The following MYO3B variants were observed in gnomAD, a reference collection of about 807,000 sequenced individuals.
MYO3B encodes myosin-IIIb.
In MYO3B, 156 loss-of-function variants were observed where a neutral mutation model predicts 174.6. The ratio of observed to expected loss-of-function variants is 0.89; its 90% CI spans 0.78 to 1.02. The LOEUF (loss-of-function observed/expected upper bound fraction) is 1.02, where lower values mean the gene tolerates loss of function less well. MYO3B is among the 50% of genes least tolerant of loss of function. The pLI is 0.00. For missense variants in MYO3B, 1,632 were observed against 1,639.4 expected (o/e 1.00, Z 0.08); for synonymous variants, 563 against 569.1 (o/e 0.99, Z 0.15).
intron 32 of MYO3B, among the ~76,000 whole-genome samples, chr2:170,564,963 T>G (rs916665408): frequency 6.6e-6 from 1 of 152,132 alleles, no homozygotes; most frequent in African/African-American, 2.4e-5. Context: ...ATAGTAAAAT[T>G]TATATTCTCT....
intron 32 of MYO3B, among the ~76,000 whole-genome samples, chr2:170,616,473 A>G (rs1466386665): frequency 6.6e-6 from 1 of 152,116 alleles, no homozygotes; most frequent in Non-Finnish European, 1.5e-5. Context: ...TCTTTACACA[A>G]TCCTGCATGC....
intron 28 of MYO3B, among the ~76,000 whole-genome samples, chr2:170,508,301 A>G (rs903708177): frequency 7.9e-5 from 12 of 152,206 alleles, no homozygotes; most frequent in Non-Finnish European, 1.2e-4. Context: ...CATTATTATG[A>G]TCGATTACAC....
intron 7 of MYO3B, among the ~76,000 whole-genome samples, chr2:170,292,167 C>T (rs1280566784): frequency 6.6e-6 from 1 of 152,112 alleles, no homozygotes; most frequent in African/African-American, 2.4e-5. Flanking sequence ...AATCTTCAAG[C>T]TCACTGATTT....
At chr2:170,376,230 G>A (rs1053409017) in intron 9 of MYO3B, among the ~76,000 whole-genome samples, 2 of 152,128 alleles carry the variant, frequency 1.3e-5, no homozygotes, top group Non-Finnish European at 2.9e-5. Flanking sequence ...GTATCCAGCT[G>A]CTATCTCTGT....
At position 170,447,833 on chromosome 2, in the gene MYO3B, C is replaced by T. The variant is rs576631895; in HGVS notation, c.2730+3787C>T. Among the ~76,000 whole-genome samples, 6 of 152,290 alleles carry T rather than the reference C, an allele frequency of 3.9e-5. No individual in the cohort carries two copies. In the South Asian group the frequency reaches 6.2e-4, roughly 16 times the overall value. On this transcript the variant is annotated intron_variant, in intron 23 of 34. Coordinates refer to ENST00000408978, the MANE Select transcript of MYO3B (RefSeq NM_138995.5). Reference sequence around the variant, plus strand: ...TTTGGTAGGTAGGGGGCAAGTCAATCAGGAGTTCTGATTGGTGAGGCCAGA... The same window carrying T: ...TTTGGTAGGTAGGGGGCAAGTCAATTAGGAGTTCTGATTGGTGAGGCCAGA...
chr2:170,215,048 T>C (rs1421213842), intron 5 of MYO3B, among the ~76,000 whole-genome samples: 3 of 152,210 alleles, frequency 2.0e-5, no homozygotes. Flanking sequence ...TTATAAAGAT[T>C]GAAAATAAAA....
At chr2:170,455,701 AG>A (rs1320691641) in intron 23 of MYO3B, among the ~76,000 whole-genome samples, 1 of 152,226 alleles carries the variant, frequency 6.6e-6, no homozygotes, top group African/African-American at 2.4e-5. Context: ...ATATGTATAT[AG>A]AAGCTTGCTC....
At chr2:170,300,159 CT>C (rs2105441595) in intron 7 of MYO3B, among the ~76,000 whole-genome samples, 1 of 73,818 alleles carries the variant, frequency 1.4e-5, no homozygotes, top group African/African-American at 4.3e-5. Flanking sequence ...GTAGATTGTA[CT>C]TACCTGTACC....
At chr2:170,294,013 C>G (rs541082222) in intron 7 of MYO3B, among the ~76,000 whole-genome samples, 1 of 151,722 alleles carries the variant, frequency 6.6e-6, no homozygotes, top group Admixed American at 6.6e-5. Flanking sequence ...CTATTTACTT[C>G]TCAGAATCCT....
Position 170,636,356 on chromosome 2 carries a change from C to CTGTT in MYO3B, c.3734-15268_3734-15265dup, listed in dbSNP as rs544506020. Among the ~76,000 whole-genome samples, 95 of 151,650 alleles carry CTGTT rather than the reference C, an allele frequency of 6.3e-4. 1 individual carries two copies. The South Asian group carries it at 0.019, about 30-fold the overall frequency. ...AGGAGCCACGCTGGAAATAACATAA[C>CTGTT]TGTTTGTGTTATGTTATTGAAAAGA... On this transcript the variant is annotated intron_variant, in intron 32 of 34. Coordinates refer to ENST00000408978, the MANE Select transcript of MYO3B (RefSeq NM_138995.5).
intron 23 of MYO3B, among the ~76,000 whole-genome samples, chr2:170,447,252 A>G (rs1011170926): frequency 6.6e-6 from 1 of 152,204 alleles, no homozygotes; most frequent in African/African-American, 2.4e-5. Flanking sequence ...CTGCACAGTC[A>G]GTTTTCAATG....
intron 32 of MYO3B, among the ~76,000 whole-genome samples, chr2:170,557,074 T>G (rs928373108): frequency 2.6e-5 from 4 of 152,132 alleles, no homozygotes; most frequent in African/African-American, 9.6e-5. Flanking sequence ...GATACGTGTT[T>G]TTTTTTGTTT....
At chr2:170,500,992 A>C (rs1052419262) in intron 27 of MYO3B, among the ~76,000 whole-genome samples, 23 of 152,218 alleles carry the variant, frequency 1.5e-4, no homozygotes, top group African/African-American at 4.1e-4. Flanking sequence ...GATTTCCCTT[A>C]TGCTCTCATA....
chr2:170,549,487 T>G (rs1453160116), intron 32 of MYO3B, among the ~76,000 whole-genome samples: 3 of 152,230 alleles, frequency 2.0e-5, no homozygotes, highest in African/African-American at 7.2e-5. Flanking sequence ...TTTCTTTCAC[T>G]TAGCAGCTTC....
At chr2:170,540,760 C>T (rs1690047092) in intron 30 of MYO3B, among the ~76,000 whole-genome samples, 1 of 152,186 alleles carries the variant, frequency 6.6e-6, no homozygotes, top group South Asian at 2.1e-4. Context: ...GTACCATCTT[C>T]TTAAAAGCAA....
chr2:170,611,493 G>A (rs1695125729), intron 32 of MYO3B, among the ~76,000 whole-genome samples: 1 of 152,260 alleles, frequency 6.6e-6, no homozygotes, highest in South Asian at 2.1e-4. Flanking sequence ...CACAAAATGC[G>A]GGTGTTGAGG....
At chr2:170,361,355 A>G (rs2094159760) in intron 8 of MYO3B, among the ~76,000 whole-genome samples, 1 of 152,198 alleles carries the variant, frequency 6.6e-6, no homozygotes, top group Non-Finnish European at 1.5e-5. Context: ...ATATCTGGTT[A>G]ATTGCAAGGT....
chr2:170,500,246 A>G (rs1687172513), intron 27 of MYO3B, among the ~76,000 whole-genome samples: 1 of 152,252 alleles, frequency 6.6e-6, no homozygotes, highest in Non-Finnish European at 1.5e-5. Flanking sequence ...TACCCTCTTC[A>G]TAGGGGAGAG....
intron 27 of MYO3B, among the ~76,000 whole-genome samples, 180 bp downstream of exon 27, chr2:170,499,988 GCAAATGTGTAT>G (rs1262691184): frequency 2.4e-5 from 3 of 127,578 alleles, no homozygotes; most frequent in Admixed American, 9.8e-5. Flanking sequence ...CCTTCCTTTA[GCAAATGTGTAT>G]CAAATGTGTA....
Sources: gnomAD v4.1 joint callset for allele counts (sites outside exome capture counted in the v4.1 genomes callset) on GRCh38, gnomAD v4.1.1 for gene constraint, MANE v1.5 for transcripts, NCBI Gene and HGNC (gene_info 2026-07-23, HGNC 2026-07-21) for gene names.